RNF170: variants seen among roughly 807,000 people sequenced by gnomAD.
RNF170 encodes the protein E3 ubiquitin-protein ligase RNF170.
RNF170 carries 12 observed loss-of-function variants against 32.7 expected under a neutral mutation model. The observed-to-expected ratio is 0.37, with a 90% CI of 0.24 to 0.60. The LOEUF is 0.60. RNF170 is among the 20% of genes least tolerant of loss of function. The pLI, the probability that RNF170 is intolerant of heterozygous loss-of-function variation, is 0.72. For missense variants in RNF170, 212 were observed against 311.2 expected (o/e 0.68, Z 2.40); for synonymous variants, 91 against 103.6 (o/e 0.88, Z 0.74).
intron 1 of RNF170, among the ~76,000 whole-genome samples, chr8:42,889,856 T>A (rs1404534850): frequency 6.6e-6 from 1 of 152,176 alleles, no homozygotes; most frequent in Non-Finnish European, 1.5e-5. Flanking sequence ...TTTTATTTCA[T>A]CAGGTTTCCT....
Position 42,862,001 on chromosome 8 carries a change from A to G in RNF170, c.397-146T>C, listed in dbSNP as rs912775947. 1.4e-5 allele frequency: 11 copies of G among 795,514 alleles called. No individual in the cohort carries two copies. The African/African-American group carries it at 1.7e-4, about 13-fold the overall frequency. 49.3% of individuals were successfully genotyped at this position (795,514 alleles called of 1,614,324 possible). On this transcript the variant is annotated intron_variant, in intron 5 of 6. Coordinates refer to ENST00000527424, the MANE Select transcript of RNF170 (RefSeq NM_030954.4). Reference sequence around the variant, plus strand: ...TAAAGGCAACCTGGGGGAGGGGAGTAAGTAACTGCTTTGCAATAAAATCCA... The same window carrying G: ...TAAAGGCAACCTGGGGGAGGGGAGTGAGTAACTGCTTTGCAATAAAATCCA...
chr8:42,850,724 T>A (rs1325481511), downstream of RNF170: 9 of 1,544,638 alleles, frequency 5.8e-6, no homozygotes, highest in African/African-American at 1.4e-5. Context: ...GAGGGGAGGG[T>A]CACTGCCTAC....
chr8:42,896,925 TG>T (rs979889984), upstream of RNF170: 28 of 381,304 alleles, frequency 7.3e-5, no homozygotes, highest in East Asian at 1.5e-4. Context: ...CGCGCGCGGC[TG>T]GCGCGCGGTC....
chr8:42,896,261 C>A lies in RNF170; in HGVS notation c.-8+223G>T, dbSNP rs371225984. ...CGCCGCCGCCAAACCCACCTAGAGC[C>A]GCTCTCCGCGTCGGCCCCTCCACCG... On this transcript the variant is annotated intron_variant, in intron 1 of 6. Transcript: ENST00000527424. 2.2e-3 allele frequency: 758 copies of A among 343,798 alleles called. 11 individuals are homozygous for A. Among genetic ancestry groups the A allele is most frequent in the African/African-American group, 0.016 (705 of 43,490 alleles). The allele number at this position is 343,798 out of a possible 1,614,324, so 21.3% of individuals were successfully genotyped here.
chr8:42,877,218 G>A (rs1805020360), intron 2 of RNF170, among the ~76,000 whole-genome samples: 1 of 151,214 alleles, frequency 6.6e-6, no homozygotes. Context: ...GAGCCACTGC[G>A]CCTGGCCTGT....
chr8:42,895,494 T>C (rs953613571), intron 1 of RNF170, among the ~76,000 whole-genome samples: 1 of 152,186 alleles, frequency 6.6e-6, no homozygotes, highest in African/African-American at 2.4e-5. Context: ...GGGTGGTAGT[T>C]ATGCATACTC....
chr8:42,876,798 T>G (rs897264380), intron 2 of RNF170, among the ~76,000 whole-genome samples: 2 of 151,592 alleles, frequency 1.3e-5, no homozygotes, highest in African/African-American at 4.9e-5. Flanking sequence ...TAGCTGGGAC[T>G]ATAGCTGCAC....
chr8:42,888,852 A>G (rs1321560001), intron 1 of RNF170, among the ~76,000 whole-genome samples: 1 of 151,714 alleles, frequency 6.6e-6, no homozygotes, highest in Non-Finnish European at 1.5e-5. Context: ...TGAATACCAA[A>G]TAAGTTCTCT....
chr8:42,895,604 T>A (rs757537902), intron 1 of RNF170, among the ~76,000 whole-genome samples: 1 of 152,260 alleles, frequency 6.6e-6, no homozygotes, highest in Non-Finnish European at 1.5e-5. Flanking sequence ...TATAGCCATG[T>A]TCTGAGTGGC....
In RNF170 at chr8:42,854,006, C is replaced by A; in HGVS notation, c.*2153G>T. The A allele has an allele frequency of 7.8e-7, 1 of 1,287,162 alleles. No homozygotes were observed. The highest frequency in any genetic ancestry group is 1.0e-6 in the Non-Finnish European group (1 of 988,652). 79.7% of individuals were successfully genotyped at this position (1,287,162 alleles called of 1,614,324 possible). A position where few individuals can be genotyped will look rare whatever the true frequency, so the allele number is the denominator to read the frequency against. On this transcript the variant is annotated 3_prime_UTR_variant, in exon 7 of 7. Transcript: ENST00000527424. ...AAATGACATCACCATTCCCCCACACCAAATGTGTAATTGGTAGGAAATGCA... is the reference window on the plus strand; with the variant it reads ...AAATGACATCACCATTCCCCCACACAAAATGTGTAATTGGTAGGAAATGCA...
chr8:42,869,086 T>A (rs1484714394), intron 4 of RNF170, among the ~76,000 whole-genome samples: 1 of 151,842 alleles, frequency 6.6e-6, no homozygotes, highest in Non-Finnish European at 1.5e-5. Context: ...AATTTCTTAT[T>A]TTTTGTGGAG....
At chr8:42,862,042 T>C (rs1220949995) in intron 5 of RNF170, among the ~76,000 whole-genome samples, 187 bp from the exon 6 acceptor site, 2 of 152,194 alleles carry the variant, frequency 1.3e-5, no homozygotes, top group Admixed American at 6.6e-5. Context: ...ACATAGAATT[T>C]GAACTCCTAT....
intron 3 of RNF170, among the ~76,000 whole-genome samples, chr8:42,873,300 A>G (rs1159683718): frequency 6.6e-6 from 1 of 152,116 alleles, no homozygotes; most frequent in Admixed American, 6.6e-5. Context: ...TTACAAAAAA[A>G]AAAAAAAACG....
At chr8:42,870,200 C>G in intron 3 of RNF170, 88 bp from the exon 4 acceptor site, 2 of 897,426 alleles carry the variant, frequency 2.2e-6, no homozygotes, top group Non-Finnish European at 3.7e-6. Flanking sequence ...AGAACAGAGT[C>G]AGCAGTGTGT....
chr8:42,884,749 T>A (rs1007083622), intron 2 of RNF170, among the ~76,000 whole-genome samples: 2 of 149,752 alleles, frequency 1.3e-5, no homozygotes, highest in Admixed American at 6.7e-5. Flanking sequence ...TTGCCCAGGC[T>A]GGAGTGCAGT....
intron 2 of RNF170, among the ~76,000 whole-genome samples, chr8:42,875,665 C>T (rs1804866914): frequency 6.6e-6 from 1 of 152,206 alleles, no homozygotes; most frequent in East Asian, 1.9e-4. Flanking sequence ...TAACCTTTGC[C>T]TCCCAGGTTC....
intron 1 of RNF170, chr8:42,889,550 A>G (rs1806122985): frequency 6.6e-6 from 1 of 152,172 alleles, no homozygotes; most frequent in African/African-American, 2.4e-5. Context: ...TTGAGTATAG[A>G]CGTCTTAATA....
intron 6 of RNF170, among the ~76,000 whole-genome samples, chr8:42,859,488 G>A (rs986968435): frequency 5.3e-5 from 8 of 152,220 alleles, no homozygotes; most frequent in African/African-American, 1.9e-4. Context: ...TTAGCCGGGT[G>A]TGGTGATGCA....
At chr8:42,873,889 G>A (rs770941824) in intron 3 of RNF170, 42 bp downstream of exon 3, 2 of 1,044,862 alleles carry the variant, frequency 1.9e-6, no homozygotes, top group Admixed American at 3.4e-5. Context: ...CATGCAAAGG[G>A]AGCTATCACA....
Sources: gnomAD v4.1 joint callset for allele counts (sites outside exome capture counted in the v4.1 genomes callset) on GRCh38, gnomAD v4.1.1 for gene constraint, MANE v1.5 for transcripts, NCBI Gene and HGNC (gene_info 2026-07-23, HGNC 2026-07-21) for gene names.